The following FMNL2 variants were observed in gnomAD, a reference collection of about 807,000 sequenced individuals.
FMNL2 encodes the protein formin like 2.
In FMNL2, 51 loss-of-function variants were observed where a neutral mutation model predicts 130.2. The observed-to-expected ratio is 0.39, with a 90% CI of 0.31 to 0.49. The LOEUF is 0.49. Among genes scored for constraint, FMNL2 ranks in the 20% least tolerant of loss-of-function variants. FMNL2 has a pLI of 0.85. For synonymous variants in FMNL2, 465 were observed against 467.1 expected, an observed-to-expected ratio of 1.00 and a Z score of 0.06; for missense variants, 977 against 1,316.2, an observed-to-expected ratio of 0.74 and a Z score of 3.99.
chr2:152,361,279 A>G (rs775208805), intron 1 of FMNL2, among the ~76,000 whole-genome samples: 1 of 152,186 alleles, frequency 6.6e-6, no homozygotes, highest in Non-Finnish European at 1.5e-5. Context: ...TTTGAAATTT[A>G]GTTTGATATG....
At chr2:152,647,284 T>C (rs2105995303) in intron 25 of FMNL2, among the ~76,000 whole-genome samples, 1 of 152,346 alleles carries the variant, frequency 6.6e-6, no homozygotes, top group African/African-American at 2.4e-5. Context: ...ATTTACAAAA[T>C]AATAAACTCA....
At chr2:152,568,101 C>T (rs1300264744) in intron 6 of FMNL2, among the ~76,000 whole-genome samples, 1 of 152,106 alleles carries the variant, frequency 6.6e-6, no homozygotes, top group Non-Finnish European at 1.5e-5. Context: ...ATACACAACT[C>T]ACATACTAGA....
chr2:152,447,541 A>G (rs1355652025), intron 1 of FMNL2, among the ~76,000 whole-genome samples: 1 of 152,186 alleles, frequency 6.6e-6, no homozygotes, highest in African/African-American at 2.4e-5. Context: ...GCTTCATGCC[A>G]TTTTACAGTA....
intron 3 of FMNL2, among the ~76,000 whole-genome samples, chr2:152,548,812 A>G (rs943551429): frequency 1.3e-5 from 2 of 152,160 alleles, no homozygotes; most frequent in Admixed American, 1.3e-4. Context: ...TGAAAGGCAC[A>G]TTACATAAAA....
At chr2:152,386,279 C>T (rs1017197552) in intron 1 of FMNL2, among the ~76,000 whole-genome samples, 1 of 152,094 alleles carries the variant, frequency 6.6e-6, no homozygotes, top group Non-Finnish European at 1.5e-5. Context: ...CACTGTAATC[C>T]CGGGTGCACA....
intron 1 of FMNL2, among the ~76,000 whole-genome samples, chr2:152,399,426 G>A (rs564864612): frequency 1.3e-5 from 2 of 152,342 alleles, no homozygotes; most frequent in East Asian, 3.9e-4. Context: ...GGACGTGGGT[G>A]AGGAGCAGCT....
At chr2:152,556,994 A>G (rs1334211400) in intron 4 of FMNL2, among the ~76,000 whole-genome samples, 2 of 152,230 alleles carry the variant, frequency 1.3e-5, no homozygotes, top group Non-Finnish European at 2.9e-5. Context: ...AAGCAAGGCT[A>G]AGGGGCTTGA....
chr2:152,484,965 G>A (rs181536979), intron 1 of FMNL2, among the ~76,000 whole-genome samples: 40 of 152,334 alleles, frequency 2.6e-4, no homozygotes, highest in African/African-American at 8.4e-4. Context: ...TATATGAGAC[G>A]TGGTCATTTT....
At chr2:152,408,595 G>C (rs751085508) in intron 1 of FMNL2, among the ~76,000 whole-genome samples, 1 of 151,592 alleles carries the variant, frequency 6.6e-6, no homozygotes, top group Non-Finnish European at 1.5e-5. Context: ...TTTTTGCCCT[G>C]ATAAACCCAT....
intron 1 of FMNL2, among the ~76,000 whole-genome samples, chr2:152,479,554 C>T (rs1690359940): frequency 6.6e-6 from 1 of 152,100 alleles, no homozygotes; most frequent in Admixed American, 6.5e-5. Flanking sequence ...ATTTCTAAGT[C>T]TGTATGATAT....
At chr2:152,516,892 A>G (rs1484340283) in intron 1 of FMNL2, among the ~76,000 whole-genome samples, 1 of 152,160 alleles carries the variant, frequency 6.6e-6, no homozygotes, top group Non-Finnish European at 1.5e-5. Context: ...GTACTCAGGA[A>G]TTTTGGGATA....
In FMNL2 at chr2:152,414,579, T is replaced by C. The variant is rs888411580; in HGVS notation, c.117+78859T>C. On this transcript the variant is annotated intron_variant, in intron 1 of 25. Coordinates refer to ENST00000288670, the MANE Select transcript of FMNL2 (RefSeq NM_052905.4). Reference sequence around the variant, plus strand: ...CAAGGACTATCCTGTCTCTTTCTAGTATGACATCTGGCCCACAGTAGCCCC... The same window carrying C: ...CAAGGACTATCCTGTCTCTTTCTAGCATGACATCTGGCCCACAGTAGCCCC... Among the ~76,000 whole-genome samples the C allele has an allele frequency of 2.0e-5, 3 of 152,320 alleles. No individual in the cohort carries two copies. In the South Asian group the frequency reaches 6.2e-4, roughly 32 times the overall value.
chr2:152,637,744 A>G (rs1339760548), intron 23 of FMNL2, 70 bp downstream of exon 23: 2 of 1,401,634 alleles, frequency 1.4e-6, no homozygotes, highest in Admixed American at 1.8e-5. Context: ...TCTGAGTCCC[A>G]ACTCTCTGCA....
At chr2:152,637,481 T>C in intron 22 of FMNL2, 92 bp from the exon 23 acceptor site, 1 of 970,770 alleles carries the variant, frequency 1.0e-6, no homozygotes. Context: ...AGCCTCTGTC[T>C]TGTGGCTGCT....
At chr2:152,454,777 G>A (rs1275180888) in intron 1 of FMNL2, among the ~76,000 whole-genome samples, 1 of 152,220 alleles carries the variant, frequency 6.6e-6, no homozygotes, top group Non-Finnish European at 1.5e-5. Context: ...GGGATTGAGA[G>A]TGTCTGTTCA....
intron 1 of FMNL2, among the ~76,000 whole-genome samples, chr2:152,336,093 A>AAAACG (rs1560275270): frequency 1.0e-4 from 6 of 59,792 alleles, no homozygotes; most frequent in African/African-American, 4.0e-4. Flanking sequence ...TTTTTTAAAA[A>AAAACG]AAACAAAACA....
At chr2:152,461,357 C>G in intron 1 of FMNL2, among the ~76,000 whole-genome samples, 1 of 119,622 alleles carries the variant, frequency 8.4e-6, no homozygotes, top group Non-Finnish European at 1.6e-5. Context: ...AGATATTTTA[C>G]TTTTTTTTAA....
At position 152,607,399 on chromosome 2, in the gene FMNL2, A is replaced by G. The variant is rs1698430213; in HGVS notation, c.937A>G (p.Asn313Asp). The change falls in exon 10 of 26, where the codon AAC becomes GAC. Residue 313 changes from asparagine (N) to aspartate (D), a missense_variant. Coordinates refer to ENST00000288670, the MANE Select transcript of FMNL2 (RefSeq NM_052905.4). ...GGAACATTTCAGGAATGAAGACAAT[A>G]ACATAGATTTTATGGTGAGTTATTT... Reference protein sequence around the residue: ...LMEHFRNEDNNIDFMVASMQF... With the variant: ...LMEHFRNEDNDIDFMVASMQF... The G allele has an allele frequency of 6.2e-7, 1 of 1,613,204 alleles. No homozygotes were observed. The highest frequency in any genetic ancestry group is 8.5e-7 in the Non-Finnish European group (1 of 1,179,524).
intron 2 of FMNL2, among the ~76,000 whole-genome samples, chr2:152,532,105 A>G (rs926398677): frequency 1.3e-5 from 2 of 152,206 alleles, no homozygotes; most frequent in African/African-American, 4.8e-5. Context: ...AGTAAAACTA[A>G]GGTTTATAGG....
Sources: allele counts gnomAD v4.1 joint callset (sites outside exome capture counted in the v4.1 genomes callset), GRCh38; gene constraint gnomAD v4.1.1; transcripts MANE v1.5; gene names NCBI Gene and HGNC (gene_info 2026-07-23, HGNC 2026-07-21).